PCDHA8: variants seen among roughly 807,000 people sequenced by gnomAD.
PCDHA8 encodes the protein protocadherin alpha-8.
PCDHA8 carries 53 observed loss-of-function variants against 61.8 expected under a neutral mutation model. The observed-to-expected ratio is 0.86, with a 90% CI of 0.69 to 1.08. PCDHA8 has a LOEUF of 1.08. Among genes scored for constraint, PCDHA8 ranks in the 50% least tolerant of loss-of-function variants. PCDHA8 has a pLI of 0.00. For synonymous variants in PCDHA8, 618 were observed against 556.6 expected (o/e 1.11, Z -1.55); for missense variants, 1,293 against 1,245.0 (o/e 1.04, Z -0.58).
chr5:140,944,301 C>T (rs1320988632), intron 1 of PCDHA8, among the ~76,000 whole-genome samples: 1 of 152,176 alleles, frequency 6.6e-6, no homozygotes, highest in Non-Finnish European at 1.5e-5. Flanking sequence ...GATCCTCCTA[C>T]CTCAGCCTCC....
At chr5:140,869,659 G>A (rs782595471) in intron 1 of PCDHA8, 4 of 1,613,446 alleles carry the variant, frequency 2.5e-6, no homozygotes, top group Non-Finnish European at 3.4e-6. Context: ...ACCAACAAAT[G>A]GTAAGCAGAT....
chr5:140,941,169 C>T (rs1283079666), intron 1 of PCDHA8, among the ~76,000 whole-genome samples: 1 of 145,950 alleles, frequency 6.9e-6, no homozygotes, highest in Admixed American at 6.9e-5. Flanking sequence ...GACTCCCCAT[C>T]TTGAACATCC....
intron 1 of PCDHA8, among the ~76,000 whole-genome samples, chr5:140,871,887 G>T (rs1294459270): frequency 6.6e-6 from 1 of 152,170 alleles, no homozygotes; most frequent in Non-Finnish European, 1.5e-5. Flanking sequence ...GCTCCTCTTT[G>T]TCTTTTAGCA....
chr5:141,002,917 T>C (rs572461368), intron 3 of PCDHA8, among the ~76,000 whole-genome samples: 1 of 152,310 alleles, frequency 6.6e-6, no homozygotes, highest in East Asian at 1.9e-4. Context: ...ATCAGAAAAG[T>C]GAACACCCTC....
At chr5:140,882,076 G>T in intron 1 of PCDHA8, 1 of 920,546 alleles carries the variant, frequency 1.1e-6, no homozygotes. Flanking sequence ...TGCGCATGGT[G>T]TCGCTCTTCA....
intron 3 of PCDHA8, among the ~76,000 whole-genome samples, chr5:140,983,182 C>G (rs782457174): frequency 1.3e-5 from 2 of 152,188 alleles, no homozygotes; most frequent in Non-Finnish European, 2.9e-5. Flanking sequence ...CTCACAATTT[C>G]TTAGTTTAGA....
chr5:140,985,039 G>A lies in PCDHA8; in HGVS notation c.2542+2476G>A, dbSNP rs112093918. Among the ~76,000 whole-genome samples the A allele has an allele frequency of 5.2e-3, 789 of 152,178 alleles. 6 individuals carry two copies. Among genetic ancestry groups the A allele is most frequent in the African/African-American group, 0.018 (750 of 41,516 alleles). ...AGCAACCTCTGCCTCCTGGGTTCAA[G>A]TGATTCTCCTGCCTCAGCCTCCTGA... On this transcript the variant is annotated intron_variant, in intron 3 of 3. Transcript: ENST00000531613.
intron 1 of PCDHA8, chr5:140,851,257 T>A: frequency 9.2e-7 from 1 of 1,087,842 alleles, no homozygotes; most frequent in East Asian, 4.1e-5. Context: ...GCATAGTATT[T>A]TAGTCTACTT....
At chr5:140,923,752 G>A (rs1004241488) in intron 1 of PCDHA8, among the ~76,000 whole-genome samples, 1 of 152,186 alleles carries the variant, frequency 6.6e-6, no homozygotes, top group Non-Finnish European at 1.5e-5. Context: ...GAGGCATATG[G>A]TGGGACAAAT....
intron 1 of PCDHA8, chr5:140,849,762 C>T (rs2150448750): frequency 1.3e-6 from 2 of 1,598,528 alleles, no homozygotes; most frequent in Middle Eastern, 1.7e-4. Flanking sequence ...CGCCTACGAG[C>T]TGGTGGTTAC....
At chr5:140,966,350 A>C in intron 1 of PCDHA8, 1 of 397,418 alleles carries the variant, frequency 2.5e-6, no homozygotes, top group Non-Finnish European at 4.4e-6. Flanking sequence ...GGTGAAGGAG[A>C]TGGGGCTGGA....
intron 1 of PCDHA8, chr5:140,849,963 G>T: frequency 6.3e-7 from 1 of 1,597,872 alleles, no homozygotes; most frequent in Middle Eastern, 1.9e-4. Flanking sequence ...GAACGCCCTG[G>T]TGTCCTACTC....
At chr5:140,850,426 G>T (rs2150483795) in intron 1 of PCDHA8, 2 of 1,597,836 alleles carry the variant, frequency 1.3e-6, no homozygotes, top group Non-Finnish European at 1.7e-6. Flanking sequence ...GACGCACCGC[G>T]CCAGCGCCTA....
chr5:140,954,017 T>C (rs2094968085), intron 1 of PCDHA8, among the ~76,000 whole-genome samples: 1 of 152,162 alleles, frequency 6.6e-6, no homozygotes, highest in Admixed American at 6.5e-5. Flanking sequence ...CTCCCACACA[T>C]AGTGGGACGA....
At chr5:140,923,217 ATCGTTTGAG>A (rs2081234922) in intron 1 of PCDHA8, among the ~76,000 whole-genome samples, 1 of 135,418 alleles carries the variant, frequency 7.4e-6, no homozygotes, top group Admixed American at 7.5e-5. Flanking sequence ...AGGTGAAAGG[ATCGTTTGAG>A]CCCAGAAGTT....
chr5:140,992,363 G>T (rs1028043863), intron 3 of PCDHA8, among the ~76,000 whole-genome samples: 2 of 152,136 alleles, frequency 1.3e-5, no homozygotes, highest in Non-Finnish European at 2.9e-5. Context: ...GAGAAAAATG[G>T]TTCCCATTAC....
chr5:140,958,135 G>A (rs868969031), intron 1 of PCDHA8, among the ~76,000 whole-genome samples: 1 of 152,036 alleles, frequency 6.6e-6, no homozygotes, highest in Non-Finnish European at 1.5e-5. Flanking sequence ...GTATCAGTGT[G>A]TATATTTATA....
chr5:140,935,389 C>T (rs559765340), intron 1 of PCDHA8, among the ~76,000 whole-genome samples: 20 of 152,288 alleles, frequency 1.3e-4, no homozygotes, highest in African/African-American at 4.8e-4. Flanking sequence ...CATTTGTTAT[C>T]CCACGGGACT....
chr5:140,976,990 A>G (rs1162326000), intron 1 of PCDHA8, among the ~76,000 whole-genome samples: 1 of 152,228 alleles, frequency 6.6e-6, no homozygotes. Flanking sequence ...TCTTACTGCC[A>G]TAAGAAATCT....
Sources: gnomAD v4.1 joint callset for allele counts (sites outside exome capture counted in the v4.1 genomes callset) on GRCh38, gnomAD v4.1.1 for gene constraint, MANE v1.5 for transcripts, NCBI Gene and HGNC (gene_info 2026-07-23, HGNC 2026-07-21) for gene names.